Variants in C16orf95 observed in about 807,000 individuals in gnomAD.
C16orf95 encodes uncharacterized protein C16orf95.
A neutral mutation model predicts 32.1 loss-of-function variants in C16orf95; 41 were observed. The ratio of observed to expected loss-of-function variants is 1.28; its 90% CI spans 1.00 to 1.66. The LOEUF is 1.66. C16orf95 is among the 40% of genes most tolerant of loss of function. The pLI is 0.00. For synonymous variants in C16orf95, 147 were observed against 128.9 expected, an observed-to-expected ratio of 1.14 and a Z score of -0.95; for missense variants, 399 against 325.9, an observed-to-expected ratio of 1.22 and a Z score of -1.73.
intron 4 of C16orf95, among the ~76,000 whole-genome samples, 192 bp downstream of exon 4, chr16:87,310,958 C>G (rs1911256486): frequency 6.6e-6 from 1 of 152,220 alleles, no homozygotes; most frequent in African/African-American, 2.4e-5. Context: ...CCAGCCCTCC[C>G]TGAGCCACAC....
In C16orf95 at chr16:87,305,636, A is replaced by G; in HGVS notation, c.701+83T>C. On this transcript the variant is annotated intron_variant, in intron 6 of 6. Coordinates refer to ENST00000567970, the MANE Select transcript of C16orf95 (RefSeq NM_001195124.3). The surrounding 1 kb of genome is among the most constrained non-coding windows in gnomAD (Gnocchi z 4.2). ...TAAGCCCCACCCCCCACTCTTCCACATCCCTGATGGCCACCAAGCCTCCCT... is the reference window on the plus strand; with the variant it reads ...TAAGCCCCACCCCCCACTCTTCCACGTCCCTGATGGCCACCAAGCCTCCCT... The G allele has an allele frequency of 7.8e-7, 1 of 1,279,552 alleles. No homozygotes were observed. Among genetic ancestry groups the G allele is most frequent in the East Asian group, 2.8e-5 (1 of 35,560 alleles). 79.3% of individuals were successfully genotyped at this position (1,279,552 alleles called of 1,614,324 possible).
At chr16:87,310,471 T>G in intron 4 of C16orf95, 138 bp from the exon 5 acceptor site, 2 of 785,464 alleles carry the variant, frequency 2.5e-6, no homozygotes, top group Non-Finnish European at 2.0e-6. Context: ...TTATGAGGTC[T>G]GCGGGCTCTT....
chr16:87,314,273 T>A (rs930962111), intron 3 of C16orf95, among the ~76,000 whole-genome samples: 2 of 152,216 alleles, frequency 1.3e-5, no homozygotes, highest in East Asian at 3.9e-4. Flanking sequence ...CCAAATGTCC[T>A]TCTGGGCGAA....
In C16orf95 at chr16:87,317,065, G is replaced by A. The variant is rs769590058; in HGVS notation, c.152+26C>T. On this transcript the variant is annotated intron_variant, in intron 1 of 6. Coordinates refer to ENST00000567970, the MANE Select transcript of C16orf95 (RefSeq NM_001195124.3). Reference sequence around the variant, plus strand: ...CTCACAGGCGAGGTGTCGGGTAGCCGCGGGCAGGATTCAGGACTCACTTGC... The same window carrying A: ...CTCACAGGCGAGGTGTCGGGTAGCCACGGGCAGGATTCAGGACTCACTTGC... The A allele has an allele frequency of 3.5e-5, 52 of 1,481,898 alleles. No homozygotes were observed. The African/African-American group carries it at 5.9e-4, about 17-fold the overall frequency. 91.8% of individuals were successfully genotyped at this position (1,481,898 alleles called of 1,614,324 possible).
intron 3 of C16orf95, among the ~76,000 whole-genome samples, chr16:87,313,500 G>A (rs868548911): frequency 5.3e-5 from 8 of 152,308 alleles, no homozygotes; most frequent in African/African-American, 1.9e-4. Flanking sequence ...TTGGGAGGCC[G>A]AGGCGGGTGG....
At chr16:87,316,652 G>C (rs7197604) in intron 1 of C16orf95, among the ~76,000 whole-genome samples, 47,018 of 151,954 alleles carry the variant, frequency 0.31, 8,617 homozygotes, top group Non-Finnish European at 0.42. Flanking sequence ...GGTGGGGAGG[G>C]GGGGGGCCAC....
intron 3 of C16orf95, 122 bp downstream of exon 3, chr16:87,314,849 A>G: frequency 1.1e-6 from 1 of 915,930 alleles, no homozygotes; most frequent in Non-Finnish European, 1.6e-6. Flanking sequence ...AAATAATATC[A>G]AACTGTCTCC....
At chr16:87,306,036 G>A (rs930902089) in intron 5 of C16orf95, 131 bp from the exon 6 acceptor site, 74 of 628,890 alleles carry the variant, frequency 1.2e-4, no homozygotes, top group Non-Finnish European at 1.7e-4. Flanking sequence ...CAGCCCCGGG[G>A]TGGGGACACT....
chr16:87,306,731 G>C (rs556483177), intron 5 of C16orf95, among the ~76,000 whole-genome samples: 124 of 152,228 alleles, frequency 8.1e-4, no homozygotes, highest in African/African-American at 2.8e-3. Context: ...TAATTCTCCT[G>C]GCAGCAATGA....
intron 6 of C16orf95, 78 bp from the exon 7 acceptor site, chr16:87,303,153 A>C: frequency 1.4e-6 from 2 of 1,440,092 alleles, no homozygotes; most frequent in African/African-American, 1.4e-5. Flanking sequence ...GCCCTTGGGA[A>C]ACCTCCATGA....
At position 87,305,486 on chromosome 16, in the gene C16orf95, G is replaced by GCCCCACGAGGCCCCCGCCGC. The variant is rs1555544931; in HGVS notation, c.701+213_701+232dup. Among the ~76,000 whole-genome samples, 723 of 135,382 alleles carry GCCCCACGAGGCCCCCGCCGC rather than the reference G, an allele frequency of 5.3e-3. 24 individuals carry two copies. The highest frequency in any genetic ancestry group is 0.044 in the Admixed American group (612 of 14,048). 88.8% of individuals were successfully genotyped at this position (135,382 alleles called of 152,430 possible). A position where few individuals can be genotyped will look rare whatever the true frequency, so the allele number is the denominator to read the frequency against. Reference sequence around the variant, plus strand: ...TTGGGAAGAGGGAAGGGGTGGAAGTGCCCCACGAGGCCCCCGCCGCCCCCA... The same window carrying GCCCCACGAGGCCCCCGCCGC: ...TTGGGAAGAGGGAAGGGGTGGAAGTGCCCCACGAGGCCCCCGCCGCCCCCACGAGGCCCCCGCCGCCCCCA... On this transcript the variant is annotated intron_variant, in intron 6 of 6. Coordinates refer to ENST00000567970, the MANE Select transcript of C16orf95 (RefSeq NM_001195124.3). This position sits in a 1 kb window ranked among gnomAD's most constrained non-coding sequence, Gnocchi z 4.2.
At chr16:87,310,437 A>C in intron 4 of C16orf95, 104 bp from the exon 5 acceptor site, 164 of 1,168,552 alleles carry the variant, frequency 1.4e-4, no homozygotes, top group Non-Finnish European at 1.9e-4. Flanking sequence ...TGGCCAGCTC[A>C]AGATAAAAGC....
Position 87,302,923 on chromosome 16 carries a change from T to C in C16orf95, c.*134A>G. On this transcript the variant is annotated 3_prime_UTR_variant, in exon 7 of 7. Coordinates refer to ENST00000567970, the MANE Select transcript of C16orf95 (RefSeq NM_001195124.3). ...ATCACCTGATGAGAAATCATTTGGG[T>C]TGAATCCTGGGTGTGGATTCTGTTC... 1 of 914,944 alleles carries C rather than the reference T, an allele frequency of 1.1e-6. No homozygotes were observed. Among genetic ancestry groups the C allele is most frequent in the East Asian group, 2.7e-5 (1 of 37,688 alleles). 56.7% of individuals were successfully genotyped at this position (914,944 alleles called of 1,614,324 possible). A position where few individuals can be genotyped will look rare whatever the true frequency, so the allele number is the denominator to read the frequency against.
chr16:87,304,132 C>A (rs1445815292), intron 6 of C16orf95, among the ~76,000 whole-genome samples: 1 of 152,216 alleles, frequency 6.6e-6, no homozygotes, highest in African/African-American at 2.4e-5. Context: ...ATCTTCCCAC[C>A]TCGTTCTCCC....
At chr16:87,303,869 T>C (rs2150644765) in intron 6 of C16orf95, among the ~76,000 whole-genome samples, 1 of 152,224 alleles carries the variant, frequency 6.6e-6, no homozygotes, top group South Asian at 2.1e-4. Context: ...TCCAAATCTC[T>C]AGACAAAGCC....
At chr16:87,304,055 T>A (rs1342155236) in intron 6 of C16orf95, among the ~76,000 whole-genome samples, 5 of 152,364 alleles carry the variant, frequency 3.3e-5, no homozygotes, top group African/African-American at 1.2e-4. Flanking sequence ...GATCTTGCTC[T>A]GTTGCCCAGG....
At chr16:87,314,877 C>T in intron 3 of C16orf95, 94 bp downstream of exon 3, 1 of 1,031,564 alleles carries the variant, frequency 9.7e-7, no homozygotes, top group Non-Finnish European at 1.4e-6. Flanking sequence ...GTTAAAATAT[C>T]CATTCATATA....
At position 87,302,940 on chromosome 16, in the gene C16orf95, A is replaced by G; in HGVS notation, c.*117T>C. The G allele has an allele frequency of 9.3e-7, 1 of 1,078,400 alleles. No individual in the cohort carries two copies. The highest frequency in any genetic ancestry group is 1.4e-6 in the Non-Finnish European group (1 of 730,050). 66.8% of individuals were successfully genotyped at this position (1,078,400 alleles called of 1,614,324 possible). On this transcript the variant is annotated 3_prime_UTR_variant, in exon 7 of 7. Coordinates refer to ENST00000567970, the MANE Select transcript of C16orf95 (RefSeq NM_001195124.3). ...CATTTGGGTTGAATCCTGGGTGTGG[A>G]TTCTGTTCTGAGAAGACAGCGACTG... is the stretch of plus-strand genomic sequence containing the variant.
In C16orf95 at chr16:87,303,062, C is replaced by T; in HGVS notation, c.715G>A (p.Val239Ile). Reference protein sequence around the residue: ...VIMAIRQCFGV With the variant: ...VIMAIRQCFGI ...AGTAGCTGAAGATTCCAACTTCAAA[C>T]CCCAAAACACTGGCTGGAAAGCAAA... Residue 239 changes from valine (V) to isoleucine (I), a missense_variant, in exon 7 of 7, where the codon GTT becomes ATT. Transcript: ENST00000567970. The T allele has an allele frequency of 6.5e-7, 1 of 1,536,086 alleles. No individual in the cohort carries two copies.
Sources: gnomAD v4.1 joint callset for allele counts (sites outside exome capture counted in the v4.1 genomes callset) on GRCh38, gnomAD v4.1.1 for gene constraint, Gnocchi (gnomAD v3.1) non-coding constraint, MANE v1.5 for transcripts, NCBI Gene and HGNC (gene_info 2026-07-23, HGNC 2026-07-21) for gene names.